FBXL7: variants seen among roughly 807,000 people sequenced by gnomAD.
FBXL7 encodes F-box and leucine rich repeat protein 7, also known as F-box/LRR-repeat protein 7.
In FBXL7, 12 loss-of-function variants were observed where a neutral mutation model predicts 38.3. The ratio of observed to expected loss-of-function variants is 0.31; its 90% confidence interval spans 0.20 to 0.51. The LOEUF (loss-of-function observed/expected upper bound fraction) is 0.51, where lower values mean the gene tolerates loss of function less well. Ranked by LOEUF, FBXL7 falls within the 20% of genes least tolerant of loss-of-function variation. The probability of loss-of-function intolerance (pLI) is 0.98; values close to 1 mark genes in which losing one functional copy is unlikely to be tolerated. For synonymous variants in FBXL7, 297 were observed against 300.9 expected (o/e 0.99, Z 0.13); for missense variants, 567 against 676.4 (o/e 0.84, Z 1.79).
chr5:15,782,729 G>A (rs187998201), intron 2 of FBXL7, among the ~76,000 whole-genome samples: 38 of 152,192 alleles, frequency 2.5e-4, no homozygotes, highest in African/African-American at 8.9e-4. Context: ...TTTTGAGACA[G>A]TAAGGAGGGA....
At chr5:15,757,564 C>A (rs1736330836) in intron 2 of FBXL7, among the ~76,000 whole-genome samples, 1 of 151,510 alleles carries the variant, frequency 6.6e-6, no homozygotes, top group Non-Finnish European at 1.5e-5. Context: ...AGATTTGTTT[C>A]CAGGTGCTTT....
chr5:15,646,439 A>G (rs762740425), intron 2 of FBXL7, among the ~76,000 whole-genome samples: 39 of 152,332 alleles, frequency 2.6e-4, no homozygotes, highest in South Asian at 1.2e-3. Flanking sequence ...ACTTGAAAGA[A>G]TGCCAGGAAA....
In FBXL7 at chr5:15,573,593, C is replaced by T. The variant is rs75596625; in HGVS notation, c.38-42390C>T. Among the ~76,000 whole-genome samples, 289 of 152,224 alleles carry T rather than the reference C, an allele frequency of 1.9e-3. 1 individual carries two copies. Among genetic ancestry groups the T allele is most frequent in the African/African-American group, 6.7e-3 (278 of 41,536 alleles). Reference sequence around the variant, plus strand: ...ACAAAGGAAGGCAGTGTAGAAGTCACAGTTTGGAATTTTCTTTGTCTTCCT... The same window carrying T: ...ACAAAGGAAGGCAGTGTAGAAGTCATAGTTTGGAATTTTCTTTGTCTTCCT... On this transcript the variant is annotated intron_variant, in intron 1 of 3. Transcript: ENST00000504595.
At chr5:15,631,422 G>A (rs954758825) in intron 2 of FBXL7, among the ~76,000 whole-genome samples, 5 of 152,016 alleles carry the variant, frequency 3.3e-5, no homozygotes, top group East Asian at 3.9e-4. Context: ...TGGGCTGGGC[G>A]TGGTGGCTCA....
At chr5:15,738,220 G>A (rs1364174734) in intron 2 of FBXL7, among the ~76,000 whole-genome samples, 1 of 152,120 alleles carries the variant, frequency 6.6e-6, no homozygotes, top group Non-Finnish European at 1.5e-5. Context: ...GGCTTTCTGA[G>A]TTTTGCTTTC....
At chr5:15,744,627 A>G (rs1339417114) in intron 2 of FBXL7, among the ~76,000 whole-genome samples, 1 of 152,214 alleles carries the variant, frequency 6.6e-6, no homozygotes, top group Non-Finnish European at 1.5e-5. Context: ...CCTGTTACCC[A>G]GTTCCAAAGT....
chr5:15,578,316 GA>G (rs557764061), intron 1 of FBXL7, among the ~76,000 whole-genome samples: 10 of 151,028 alleles, frequency 6.6e-5, no homozygotes, highest in East Asian at 1.9e-4. Flanking sequence ...GCAATGTATT[GA>G]AAAAAAAATC....
chr5:15,705,090 A>T (rs1450627124), intron 2 of FBXL7, among the ~76,000 whole-genome samples: 1 of 152,154 alleles, frequency 6.6e-6, no homozygotes, highest in East Asian at 1.9e-4. Flanking sequence ...CATTCTCACA[A>T]TTCTCTATGA....
chr5:15,531,260 C>G (rs1276145577), intron 1 of FBXL7, among the ~76,000 whole-genome samples: 1 of 152,090 alleles, frequency 6.6e-6, no homozygotes, highest in African/African-American at 2.4e-5. Context: ...TAAACCAGAT[C>G]TATTTGTAAA....
At chr5:15,585,413 G>A (rs1739271699) in intron 1 of FBXL7, among the ~76,000 whole-genome samples, 1 of 152,166 alleles carries the variant, frequency 6.6e-6, no homozygotes, top group Admixed American at 6.5e-5. Context: ...TACTTACATG[G>A]AAAATTCATC....
chr5:15,824,261 A>C (rs1490756100), intron 2 of FBXL7, among the ~76,000 whole-genome samples: 2 of 149,116 alleles, frequency 1.3e-5, no homozygotes, highest in Admixed American at 1.4e-4. Context: ...ACGCCACTGC[A>C]TTCCAGCCTG....
chr5:15,742,993 G>A (rs1735930134), intron 2 of FBXL7, among the ~76,000 whole-genome samples: 3 of 152,022 alleles, frequency 2.0e-5, no homozygotes, highest in Admixed American at 6.6e-5. Flanking sequence ...GGAAGTAATC[G>A]CCACCATGAT....
intron 2 of FBXL7, among the ~76,000 whole-genome samples, chr5:15,773,613 C>T (rs1415078350): frequency 1.3e-5 from 2 of 152,134 alleles, no homozygotes. Flanking sequence ...TGTGCCACTG[C>T]ACTCCAGCCT....
At chr5:15,785,184 T>TATAC (rs1737102691) in intron 2 of FBXL7, among the ~76,000 whole-genome samples, 1 of 152,182 alleles carries the variant, frequency 6.6e-6, no homozygotes, top group Admixed American at 6.5e-5. Context: ...TTGCCACATG[T>TATAC]ATACATACAT....
intron 2 of FBXL7, among the ~76,000 whole-genome samples, chr5:15,831,622 G>C (rs1738458283): frequency 6.6e-6 from 1 of 152,166 alleles, no homozygotes. Context: ...GAGCCAAGAG[G>C]TCTGTTTTCC....
chr5:15,605,142 G>A (rs575437966), intron 1 of FBXL7, among the ~76,000 whole-genome samples: 39 of 152,252 alleles, frequency 2.6e-4, no homozygotes, highest in Non-Finnish European at 1.3e-4. Context: ...CTCAGCAGTG[G>A]GACTGTCTCC....
chr5:15,807,389 C>T (rs915182407), intron 2 of FBXL7, among the ~76,000 whole-genome samples: 3 of 152,144 alleles, frequency 2.0e-5, no homozygotes, highest in East Asian at 1.9e-4. Context: ...CCCATTGTGC[C>T]GTGTGCACTG....
chr5:15,500,400 G>A lies in FBXL7; in HGVS notation c.-277G>A, dbSNP rs1035396561. 7.2e-6 allele frequency: 2 copies of A among 278,882 alleles called. No individual in the cohort carries two copies. The highest frequency in any genetic ancestry group is 1.3e-5 in the Non-Finnish European group (2 of 150,054). The allele number at this position is 278,882 out of a possible 1,614,324, so 17.3% of individuals were successfully genotyped here. On this transcript the variant is annotated 5_prime_UTR_variant, in exon 1 of 4. Transcript: ENST00000504595. The stretch of plus-strand genomic sequence containing the variant: ...GCCTCTGGGCGGCCCCGGGGCGCGG[G>A]CTGTGCGCGGCGCTGCGCCCGCCGG...
intron 1 of FBXL7, among the ~76,000 whole-genome samples, chr5:15,610,150 G>A (rs71595941): frequency 1.3e-5 from 2 of 152,080 alleles, no homozygotes; most frequent in African/African-American, 4.8e-5. Flanking sequence ...TCCCACCAGG[G>A]GTCCCTCCCA....
Sources: allele counts gnomAD v4.1 joint callset (sites outside exome capture counted in the v4.1 genomes callset), GRCh38; gene constraint gnomAD v4.1.1; transcripts MANE v1.5; gene names NCBI Gene and HGNC (gene_info 2026-07-23, HGNC 2026-07-21).